The following SCHIP1 variants were observed in gnomAD, a reference collection of about 807,000 sequenced individuals.
SCHIP1 encodes the protein schwannomin interacting protein 1.
A neutral mutation model predicts 29.7 loss-of-function variants in SCHIP1; 8 were observed. The ratio of observed to expected loss-of-function variants is 0.27; its 90% CI spans 0.16 to 0.49. The LOEUF (loss-of-function observed/expected upper bound fraction) is 0.49. Ranked by LOEUF, SCHIP1 falls within the 20% of genes least tolerant of loss-of-function variation. The pLI is 0.99. For missense variants in SCHIP1, 193 were observed against 294.6 expected (o/e 0.66, Z 2.52); for synonymous variants, 76 against 94.9 (o/e 0.80, Z 1.16).
the SCHIP1 span, among the ~76,000 whole-genome samples, chr3:159,511,132 T>C: frequency 3.3e-5 from 5 of 152,212 alleles, no homozygotes; most frequent in Admixed American, 2.0e-4. Flanking sequence ...TGAGCTTCCC[T>C]GCTGCTTTGT....
the SCHIP1 span, among the ~76,000 whole-genome samples, chr3:159,369,044 G>A: frequency 1.3e-5 from 2 of 152,200 alleles, no homozygotes; most frequent in South Asian, 2.1e-4. Flanking sequence ...GATGGTATCT[G>A]GGGCTAGGTC....
At chr3:159,310,425 T>C in the SCHIP1 span, among the ~76,000 whole-genome samples, 14 of 152,184 alleles carry the variant, frequency 9.2e-5, no homozygotes, top group African/African-American at 3.4e-4. Context: ...CTCATTAGGG[T>C]GCATATTTAA....
At chr3:159,306,963 C>T in the SCHIP1 span, among the ~76,000 whole-genome samples, 12 of 152,084 alleles carry the variant, frequency 7.9e-5, no homozygotes, top group East Asian at 3.9e-4. Flanking sequence ...ATACTACTCT[C>T]GGGATTTAAT....
chr3:159,737,149 C>T, the SCHIP1 span, among the ~76,000 whole-genome samples: 3 of 152,168 alleles, frequency 2.0e-5, no homozygotes, highest in African/African-American at 7.2e-5. Flanking sequence ...GTCATAGCCT[C>T]TGTGAGGGGC....
the SCHIP1 span, chr3:159,764,860 A>G: frequency 1.3e-6 from 2 of 1,590,292 alleles, no homozygotes; most frequent in East Asian, 4.7e-5. This position sits in a 1 kb window ranked among gnomAD's most constrained non-coding sequence, Gnocchi z 6.1. Context: ...CCAGGACCTC[A>G]GGCACAATGG....
chr3:159,781,768 G>C, the SCHIP1 span, among the ~76,000 whole-genome samples: 6 of 152,144 alleles, frequency 3.9e-5, no homozygotes, highest in African/African-American at 1.4e-4. Flanking sequence ...GGTGCAAGAA[G>C]TGGACAGACA....
At chr3:159,491,950 G>A in the SCHIP1 span, among the ~76,000 whole-genome samples, 7 of 152,146 alleles carry the variant, frequency 4.6e-5, no homozygotes, top group East Asian at 3.9e-4. Flanking sequence ...ATCAGTATTC[G>A]CTGTTCTGCA....
the SCHIP1 span, among the ~76,000 whole-genome samples, chr3:159,566,778 G>A: frequency 1.3e-5 from 2 of 152,134 alleles, no homozygotes; most frequent in African/African-American, 4.8e-5. Context: ...GCATCAGGGA[G>A]GTAACCAGGA....
the SCHIP1 span, among the ~76,000 whole-genome samples, chr3:159,436,687 T>C: frequency 6.6e-6 from 1 of 152,172 alleles, no homozygotes; most frequent in Non-Finnish European, 1.5e-5. Context: ...CCAAGTTTAC[T>C]TGAAAGGTAT....
chr3:159,753,830 T>A, the SCHIP1 span, among the ~76,000 whole-genome samples: 2 of 152,240 alleles, frequency 1.3e-5, no homozygotes, highest in Admixed American at 6.5e-5. Context: ...GTTACTCCAA[T>A]GTGTTAAGCT....
the SCHIP1 span, among the ~76,000 whole-genome samples, chr3:159,286,256 G>A: frequency 6.6e-6 from 1 of 152,040 alleles, no homozygotes; most frequent in Non-Finnish European, 1.5e-5. Context: ...CCTGGTGTCT[G>A]TTGTTCCTTT....
At chr3:159,462,726 T>G in the SCHIP1 span, among the ~76,000 whole-genome samples, 1 of 152,120 alleles carries the variant, frequency 6.6e-6, no homozygotes, top group Non-Finnish European at 1.5e-5. Flanking sequence ...CTCGGGAACT[T>G]TTCTTCCCCT....
chr3:159,724,706 C>T, the SCHIP1 span, among the ~76,000 whole-genome samples: 4 of 152,076 alleles, frequency 2.6e-5, no homozygotes, highest in African/African-American at 7.2e-5. Flanking sequence ...ATGAGTGACT[C>T]GAATCCCTGG....
chr3:159,776,724 A>C, the SCHIP1 span, among the ~76,000 whole-genome samples: 1 of 152,234 alleles, frequency 6.6e-6, no homozygotes, highest in Non-Finnish European at 1.5e-5. Context: ...ACTCTAAACA[A>C]AGCAGATGAA....
At chr3:159,504,869 T>C in the SCHIP1 span, among the ~76,000 whole-genome samples, 1 of 152,100 alleles carries the variant, frequency 6.6e-6, no homozygotes, top group East Asian at 1.9e-4. Flanking sequence ...TTCCATACCG[T>C]GTTAGGCAGC....
chr3:159,743,543 A>G, the SCHIP1 span, among the ~76,000 whole-genome samples: 1 of 152,212 alleles, frequency 6.6e-6, no homozygotes, highest in East Asian at 1.9e-4. Flanking sequence ...AGAGTTAGAG[A>G]ACAGATTAAT....
the SCHIP1 span, among the ~76,000 whole-genome samples, chr3:159,472,103 A>G: frequency 6.6e-6 from 1 of 152,168 alleles, no homozygotes; most frequent in African/African-American, 2.4e-5. Context: ...CTTGTACTGG[A>G]TAGAATAGTA....
chr3:159,854,149 A>T (rs1299903892), intron 1 of SCHIP1, among the ~76,000 whole-genome samples: 1 of 152,238 alleles, frequency 6.6e-6, no homozygotes. Context: ...ACATGGCATA[A>T]CATGAAGAAT....
At chr3:159,850,558 A>AAAAAAAAAG (rs1560081698) in intron 1 of SCHIP1, among the ~76,000 whole-genome samples, 7 of 145,676 alleles carry the variant, frequency 4.8e-5, no homozygotes, top group African/African-American at 5.1e-5. Context: ...AAAAAAAAAA[A>AAAAAAAAAG]AAAAAAAAGG....
Sources: gnomAD v4.1 joint callset for allele counts (sites outside exome capture counted in the v4.1 genomes callset) on GRCh38, gnomAD v4.1.1 for gene constraint, Gnocchi (gnomAD v3.1) non-coding constraint, MANE v1.5 for transcripts, NCBI Gene and HGNC (gene_info 2026-07-23, HGNC 2026-07-21) for gene names.